MDFIC2: variants seen among roughly 807,000 people sequenced by gnomAD.
MDFIC2 encodes the protein MyoD family inhibitor domain containing 2, also known as myoD family inhibitor domain-containing protein 2.
At chr3:70,240,551 C>T (rs1701657364) in intron 2 of MDFIC2, among the ~76,000 whole-genome samples, 1 of 152,114 alleles carries the variant, frequency 6.6e-6, no homozygotes, top group South Asian at 2.1e-4. Context: ...AACAGATGCA[C>T]TGGTTGGCTT....
intron 2 of MDFIC2, among the ~76,000 whole-genome samples, chr3:70,219,960 A>T (rs1366597762): frequency 6.6e-6 from 1 of 152,182 alleles, no homozygotes; most frequent in Non-Finnish European, 1.5e-5. Context: ...AATTTCTGAG[A>T]GTGTGCTCCA....
At chr3:70,282,936 G>T (rs1037556053) in intron 2 of MDFIC2, among the ~76,000 whole-genome samples, 3 of 152,132 alleles carry the variant, frequency 2.0e-5, no homozygotes, top group Non-Finnish European at 4.4e-5. Flanking sequence ...AATAAAAGAT[G>T]ACTCTTATAA....
chr3:70,210,361 A>T (rs1477049962), intron 2 of MDFIC2, among the ~76,000 whole-genome samples: 2 of 152,016 alleles, frequency 1.3e-5, no homozygotes, highest in East Asian at 3.9e-4. Context: ...CCTCAGTGGG[A>T]ACTATCTGTT....
intron 2 of MDFIC2, among the ~76,000 whole-genome samples, chr3:70,224,071 A>C (rs1313112072): frequency 6.6e-6 from 1 of 152,186 alleles, no homozygotes; most frequent in Non-Finnish European, 1.5e-5. Context: ...TAGATACTGT[A>C]ACAAACACCA....
intron 2 of MDFIC2, among the ~76,000 whole-genome samples, chr3:70,248,283 A>G (rs184960131): frequency 6.5e-4 from 99 of 152,244 alleles, no homozygotes; most frequent in African/African-American, 2.3e-3. Flanking sequence ...CTTTCTAAAT[A>G]GATTGCAGGA....
chr3:70,311,997 T>C, intron 1 of MDFIC2, 24 bp from the exon 2 acceptor site: 1 of 397,650 alleles, frequency 2.5e-6, no homozygotes, highest in Non-Finnish European at 4.4e-6. Flanking sequence ...GAATTTGTGA[T>C]ATAAAAAATT....
chr3:70,292,854 A>G (rs1702251753), intron 2 of MDFIC2, among the ~76,000 whole-genome samples: 1 of 152,030 alleles, frequency 6.6e-6, no homozygotes, highest in Non-Finnish European at 1.5e-5. Context: ...TGAAGGTAGA[A>G]TTACCTTGAT....
At chr3:70,296,334 GA>G (rs2106697765) in intron 2 of MDFIC2, among the ~76,000 whole-genome samples, 1 of 152,148 alleles carries the variant, frequency 6.6e-6, no homozygotes, top group African/African-American at 2.4e-5. Context: ...GTAAGAGACT[GA>G]AACAGACTCT....
chr3:70,217,639 C>G lies in MDFIC2; in HGVS notation c.89-10849G>C, dbSNP rs531863526. The stretch of plus-strand genomic sequence containing the variant: ...GAGGTAGAAGGTGTTTTCATATCCA[C>G]CACCTTTCTGTGGAAGTTTTGTTTC... On this transcript the variant is annotated intron_variant, in intron 2 of 3. Transcript: ENST00000567252. 8.5e-5 allele frequency among the ~76,000 whole-genome samples: 13 copies of G among 152,248 alleles called. 1 individual carries two copies. The South Asian group carries it at 2.5e-3, about 29-fold the overall frequency.
chr3:70,296,741 C>G (rs1702292801), intron 2 of MDFIC2, among the ~76,000 whole-genome samples: 1 of 152,072 alleles, frequency 6.6e-6, no homozygotes. Context: ...ATTCCTTTAA[C>G]TCCTGCTTGG....
At chr3:70,231,669 A>C (rs1447735889) in intron 2 of MDFIC2, among the ~76,000 whole-genome samples, 1 of 152,148 alleles carries the variant, frequency 6.6e-6, no homozygotes, top group African/African-American at 2.4e-5. Flanking sequence ...GGAGAGAGAG[A>C]GAAGGGAAGA....
At chr3:70,254,752 T>G (rs1701799256) in intron 2 of MDFIC2, among the ~76,000 whole-genome samples, 1 of 152,226 alleles carries the variant, frequency 6.6e-6, no homozygotes, top group African/African-American at 2.4e-5. Context: ...AATAGAGATA[T>G]TCTATCACCT....
At chr3:70,274,434 C>G (rs534166793) in intron 2 of MDFIC2, among the ~76,000 whole-genome samples, 3 of 151,134 alleles carry the variant, frequency 2.0e-5, no homozygotes, top group African/African-American at 7.4e-5. Flanking sequence ...CATTGTTCAT[C>G]AACTCAGTGT....
At chr3:70,230,456 C>T (rs1048998785) in intron 2 of MDFIC2, among the ~76,000 whole-genome samples, 2 of 151,780 alleles carry the variant, frequency 1.3e-5, no homozygotes, top group Non-Finnish European at 2.9e-5. Context: ...GATCTCAAAA[C>T]CTCTATGAAA....
At chr3:70,212,281 A>G (rs966130311) in intron 2 of MDFIC2, among the ~76,000 whole-genome samples, 21 of 152,138 alleles carry the variant, frequency 1.4e-4, no homozygotes, top group African/African-American at 5.1e-4. Flanking sequence ...GTAACTGTCT[A>G]TTGGACATTT....
chr3:70,248,935 A>C (rs1372730679), intron 2 of MDFIC2, among the ~76,000 whole-genome samples: 1 of 152,170 alleles, frequency 6.6e-6, no homozygotes, highest in Non-Finnish European at 1.5e-5. Context: ...TTAAGACATT[A>C]TTCCAATTGA....
rs550409072 is a variant in MDFIC2 at position 70,311,875 on chromosome 3, A to G, written c.88+11T>C. The G allele has an allele frequency of 5.0e-6, 2 of 397,720 alleles. No homozygotes were observed. Among genetic ancestry groups the G allele is most frequent in the South Asian group, 1.3e-4 (1 of 7,840 alleles). The allele number at this position is 397,720 out of a possible 1,614,324, so 24.6% of individuals were successfully genotyped here. A position where few individuals can be genotyped will look rare whatever the true frequency, so the allele number is the denominator to read the frequency against. ...TCACACCAATAGAAAATCAAGAGCA[A>G]GAAGACTTACCTTCTTTCAACCAAG... On this transcript the variant is annotated intron_variant, in intron 2 of 3. Transcript: ENST00000567252.
chr3:70,292,986 A>C (rs934153776), intron 2 of MDFIC2, among the ~76,000 whole-genome samples: 1 of 150,136 alleles, frequency 6.7e-6, no homozygotes, highest in African/African-American at 2.4e-5. Flanking sequence ...TCTTTTCCAA[A>C]GAAATAAAGG....
intron 2 of MDFIC2, among the ~76,000 whole-genome samples, chr3:70,275,957 A>C (rs1702021313): frequency 6.6e-6 from 1 of 152,160 alleles, no homozygotes; most frequent in Admixed American, 6.5e-5. Context: ...TAATATTCTT[A>C]ATCAAAATAA....
Sources: gnomAD v4.1 joint callset for allele counts (sites outside exome capture counted in the v4.1 genomes callset) on GRCh38, gnomAD v4.1.1 for gene constraint, MANE v1.5 for transcripts, NCBI Gene and HGNC (gene_info 2026-07-23, HGNC 2026-07-21) for gene names.